Variants in GALNT10 observed in about 807,000 individuals in gnomAD.
GALNT10 encodes GalNAc transferase 10.
GALNT10 carries 41 observed loss-of-function variants against 75.0 expected under a neutral mutation model. The ratio of observed to expected loss-of-function variants is 0.55; its 90% CI spans 0.43 to 0.71. The LOEUF (loss-of-function observed/expected upper bound fraction) is 0.71. GALNT10 is among the 30% of genes least tolerant of loss of function. The pLI, the probability that GALNT10 is intolerant of heterozygous loss-of-function variation, is 0.00. For missense variants in GALNT10, 727 were observed against 818.5 expected, an observed-to-expected ratio of 0.89 and a Z score of 1.36; for synonymous variants, 302 against 313.0, an observed-to-expected ratio of 0.96 and a Z score of 0.37.
At chr5:154,411,872 C>T (rs897381291) in intron 9 of GALNT10, among the ~76,000 whole-genome samples, 1 of 152,118 alleles carries the variant, frequency 6.6e-6, no homozygotes, top group Non-Finnish European at 1.5e-5. Context: ...GCCATGAGAC[C>T]ACAACAGTGG....
intron 7 of GALNT10, among the ~76,000 whole-genome samples, chr5:154,396,982 C>T (rs1018765518): frequency 6.6e-6 from 1 of 152,004 alleles, no homozygotes; most frequent in African/African-American, 2.4e-5. Context: ...CAAAAATCAG[C>T]TGGGCATGGT....
rs192135752 is a variant in GALNT10 at position 154,238,606 on chromosome 5, G to A, written c.159+47581G>A. Among the ~76,000 whole-genome samples, 39 of 152,186 alleles carry A rather than the reference G, an allele frequency of 2.6e-4. 1 individual carries two copies. In the East Asian group the frequency reaches 3.1e-3, roughly 12 times the overall value. On this transcript the variant is annotated intron_variant, in intron 1 of 11. Transcript: ENST00000297107. ...CTGATTGAGCACTGGAAGTGTCTGC[G>A]GTGCTTCGAAGAACTCCAGGGAAGG...
rs147570246 is a variant in GALNT10 at position 154,412,269 on chromosome 5, C to T, written c.1387-620C>T. 1.6e-4 allele frequency among the ~76,000 whole-genome samples: 24 copies of T among 152,304 alleles called. No individual in the cohort carries two copies. The highest frequency in any genetic ancestry group is 5.8e-4 in the African/African-American group (24 of 41,562). ...GGCCTGCCCACAGTAAGTGCCCAAT[C>T]GGTATTTGTTGGCTAAGCAAGTGAG... On this transcript the variant is annotated intron_variant, in intron 9 of 11. Coordinates refer to ENST00000297107, the MANE Select transcript of GALNT10 (RefSeq NM_198321.4). This position sits in a 1 kb window ranked among gnomAD's most constrained non-coding sequence, Gnocchi z 4.2.
At chr5:154,342,902 A>G (rs1755055810) in intron 4 of GALNT10, among the ~76,000 whole-genome samples, 1 of 152,192 alleles carries the variant, frequency 6.6e-6, no homozygotes. Context: ...TATTATGTGG[A>G]TGATCAGATA....
intron 1 of GALNT10, among the ~76,000 whole-genome samples, chr5:154,204,940 A>G (rs926327903): frequency 6.6e-6 from 1 of 152,222 alleles, no homozygotes; most frequent in African/African-American, 2.4e-5. Flanking sequence ...TAGTGCTGGC[A>G]CATGGCAGGT....
intron 1 of GALNT10, among the ~76,000 whole-genome samples, chr5:154,255,266 T>G (rs1424029147): frequency 2.0e-5 from 3 of 152,120 alleles, no homozygotes; most frequent in Non-Finnish European, 4.4e-5. Flanking sequence ...CTCATCAAGG[T>G]ATATCCCTCA....
intron 1 of GALNT10, among the ~76,000 whole-genome samples, chr5:154,244,678 C>T (rs1339229492): frequency 1.3e-5 from 2 of 152,092 alleles, no homozygotes; most frequent in African/African-American, 2.4e-5. Context: ...AACACGTGAG[C>T]CCAGTAAAGG....
At chr5:154,310,304 A>C (rs1050751946) in intron 3 of GALNT10, among the ~76,000 whole-genome samples, 2 of 152,178 alleles carry the variant, frequency 1.3e-5, no homozygotes, top group Non-Finnish European at 2.9e-5. Context: ...GTTCAAGAGC[A>C]ATGCAGCCTC....
chr5:154,386,612 T>TG, intron 7 of GALNT10, 182 bp downstream of exon 7: 4 of 297,488 alleles, frequency 1.3e-5, no homozygotes, highest in Non-Finnish European at 2.6e-5. Context: ...GGTGGGGGGG[T>TG]GTGGGAGGGA....
At chr5:154,332,451 C>T (rs1754881504) in intron 4 of GALNT10, among the ~76,000 whole-genome samples, 1 of 152,178 alleles carries the variant, frequency 6.6e-6, no homozygotes, top group Non-Finnish European at 1.5e-5. Context: ...CCTGAACGCC[C>T]TCTTCCCAGT....
chr5:154,244,886 C>T (rs560863073), intron 1 of GALNT10, among the ~76,000 whole-genome samples: 2 of 152,278 alleles, frequency 1.3e-5, no homozygotes, highest in South Asian at 2.1e-4. Context: ...AAAAGTTCAC[C>T]ATTTTTGGTG....
At chr5:154,368,853 T>C (rs1755518975) in intron 4 of GALNT10, among the ~76,000 whole-genome samples, 1 of 152,224 alleles carries the variant, frequency 6.6e-6, no homozygotes, top group East Asian at 1.9e-4. Flanking sequence ...TTAGACATCC[T>C]AGAGGACTAG....
At chr5:154,340,120 C>G (rs60794063) in intron 4 of GALNT10, among the ~76,000 whole-genome samples, 18,760 of 152,272 alleles carry the variant, frequency 0.12, 1,718 homozygotes, top group African/African-American at 0.26. Context: ...CTAACAGTAG[C>G]TTCCTTAATA....
intron 7 of GALNT10, 24 bp downstream of exon 7, chr5:154,386,454 C>T (rs189190684): frequency 1.1e-4 from 165 of 1,436,478 alleles, no homozygotes; most frequent in African/African-American, 1.0e-3. Context: ...CCAGACGCCC[C>T]GTTCTTGGCA....
intron 3 of GALNT10, among the ~76,000 whole-genome samples, chr5:154,318,327 G>A (rs1435368581): frequency 6.6e-6 from 1 of 152,208 alleles, no homozygotes; most frequent in African/African-American, 2.4e-5. Flanking sequence ...GCAGAGCAAA[G>A]GCTAGAAGCC....
intron 1 of GALNT10, among the ~76,000 whole-genome samples, chr5:154,215,300 G>C (rs892868356): frequency 6.6e-6 from 1 of 152,148 alleles, no homozygotes; most frequent in Non-Finnish European, 1.5e-5. Context: ...AGCTAACACA[G>C]TGAAACCCCG....
chr5:154,219,498 A>C (rs1274344256), intron 1 of GALNT10: 3 of 152,324 alleles, frequency 2.0e-5, no homozygotes, highest in Non-Finnish European at 2.9e-5. Context: ...CCTGCCACAC[A>C]ATGCATGCCA....
At chr5:154,396,201 T>TATGAATGA (rs5872378) in intron 7 of GALNT10, among the ~76,000 whole-genome samples, 6,532 of 151,128 alleles carry the variant, frequency 0.043, 156 homozygotes, top group South Asian at 0.056. Context: ...CCAGATCATG[T>TATGAATGA]ATGAATGAAT....
intron 4 of GALNT10, among the ~76,000 whole-genome samples, chr5:154,340,002 G>A (rs1303685629): frequency 6.6e-6 from 1 of 152,234 alleles, no homozygotes; most frequent in African/African-American, 2.4e-5. Context: ...AGGGTTTGAA[G>A]AGAGATGAGA....
Sources: gnomAD v4.1 joint callset for allele counts (sites outside exome capture counted in the v4.1 genomes callset) on GRCh38, gnomAD v4.1.1 for gene constraint, Gnocchi (gnomAD v3.1) non-coding constraint, MANE v1.5 for transcripts, NCBI Gene and HGNC (gene_info 2026-07-23, HGNC 2026-07-21) for gene names.